Variants in MDFIC observed in about 807,000 individuals in gnomAD.
MDFIC encodes myoD family inhibitor domain-containing protein.
MDFIC carries 17 observed loss-of-function variants against 23.2 expected under a neutral mutation model. The observed-to-expected ratio is 0.73, with a 90% CI of 0.50 to 1.10. MDFIC has a LOEUF of 1.10. Ranked by LOEUF, MDFIC falls within the 50% of genes least tolerant of loss-of-function variation. MDFIC has a pLI of 0.00. For synonymous variants in MDFIC, 120 were observed against 115.2 expected, an observed-to-expected ratio of 1.04 and a Z score of -0.27; for missense variants, 356 against 316.6, an observed-to-expected ratio of 1.12 and a Z score of -0.95.
Position 115,016,059 on chromosome 7 carries a change from TA to T in MDFIC, c.*126del. The T allele has an allele frequency of 1.0e-6, 1 of 987,378 alleles. No homozygotes were observed. The highest frequency in any genetic ancestry group is 1.5e-6 in the Non-Finnish European group (1 of 675,500). The allele number at this position is 987,378 out of a possible 1,614,324, so 61.2% of individuals were successfully genotyped here. A position where few individuals can be genotyped will look rare whatever the true frequency, so the allele number is the denominator to read the frequency against. On this transcript the variant is annotated 3_prime_UTR_variant, in exon 5 of 5. Coordinates refer to ENST00000393486, the MANE Select transcript of MDFIC (RefSeq NM_001166345.3). ...AATTTGCACTGTTAACTCATTATTG[TA>T]AGTAATCTCTGAAAGCCTTTTTACT...
At chr7:114,993,403 G>A (rs1327183861) in intron 4 of MDFIC, among the ~76,000 whole-genome samples, 1 of 152,102 alleles carries the variant, frequency 6.6e-6, no homozygotes, top group Non-Finnish European at 1.5e-5. Flanking sequence ...GCTTTTAAAT[G>A]TGTTTGCTCT....
chr7:115,002,904 A>G (rs565562461), intron 4 of MDFIC, among the ~76,000 whole-genome samples: 14 of 152,156 alleles, frequency 9.2e-5, no homozygotes, highest in African/African-American at 3.4e-4. Context: ...TGTAGGTGGG[A>G]GTGTATCTCT....
chr7:114,953,895 A>T (rs1308668226), intron 3 of MDFIC, among the ~76,000 whole-genome samples: 1 of 152,174 alleles, frequency 6.6e-6, no homozygotes, highest in East Asian at 1.9e-4. Context: ...AAAGAAAAAA[A>T]GTTTGCACAT....
chr7:114,951,912 A>G (rs548898754), intron 3 of MDFIC, among the ~76,000 whole-genome samples: 1 of 152,146 alleles, frequency 6.6e-6, no homozygotes, highest in East Asian at 1.9e-4. Flanking sequence ...ATGAGAATGC[A>G]GGGTCTCTTG....
At chr7:114,957,296 G>T (rs978513470) in intron 3 of MDFIC, among the ~76,000 whole-genome samples, 1 of 152,032 alleles carries the variant, frequency 6.6e-6, no homozygotes, top group African/African-American at 2.4e-5. Context: ...ACAAACACCT[G>T]CTTCTTTCAT....
intron 4 of MDFIC, among the ~76,000 whole-genome samples, chr7:115,003,534 T>G (rs893335821): frequency 1.3e-5 from 2 of 152,180 alleles, no homozygotes; most frequent in African/African-American, 4.8e-5. Flanking sequence ...AATCCTACTT[T>G]CTTGATATTT....
chr7:114,922,914 AT>A lies in MDFIC; in HGVS notation c.-107-8del. On this transcript the variant is annotated splice_polypyrimidine_tract_variant and intron_variant, in intron 1 of 4. Coordinates refer to ENST00000393486, the MANE Select transcript of MDFIC (RefSeq NM_001166345.3). ...AACATTTTTTTTTTTAATTTTGTAT[AT>A]TTTTCCGCCAGAAGCAGTCAGTTCC... 2 of 1,575,884 alleles carry A rather than the reference AT, an allele frequency of 1.3e-6. No individual in the cohort carries two copies. The highest frequency in any genetic ancestry group is 2.4e-5 in the East Asian group (1 of 41,412).
Position 114,923,137 on chromosome 7 carries a change from C to T in MDFIC, c.94+10C>T. 1 of 1,524,632 alleles carries T rather than the reference C, an allele frequency of 6.6e-7. No individual in the cohort carries two copies. The highest frequency in any genetic ancestry group is 8.8e-7 in the Non-Finnish European group (1 of 1,140,496). 94.4% of individuals were successfully genotyped at this position (1,524,632 alleles called of 1,614,324 possible). A position where few individuals can be genotyped will look rare whatever the true frequency, so the allele number is the denominator to read the frequency against. On this transcript the variant is annotated intron_variant, in intron 2 of 4. Coordinates refer to ENST00000393486, the MANE Select transcript of MDFIC (RefSeq NM_001166345.3). ...GGCTCCACAGCCCAGGGTGAGTGCGCGCTTGCAAGTGGCAAGCTTCTTTGT... is the reference window on the plus strand; with the variant it reads ...GGCTCCACAGCCCAGGGTGAGTGCGTGCTTGCAAGTGGCAAGCTTCTTTGT...
In MDFIC at chr7:115,010,641, C is replaced by A. The variant is rs147849028; in HGVS notation, c.494-5047C>A. 2.6e-5 allele frequency among the ~76,000 whole-genome samples: 4 copies of A among 152,032 alleles called. No homozygotes were observed. In the East Asian group the frequency reaches 7.7e-4, roughly 29 times the overall value. On this transcript the variant is annotated intron_variant, in intron 4 of 4. Transcript: ENST00000393486. ...AATAGATTTGGTTTTTCAGAGTAAC[C>A]CAAAGTGCTTTTCTAGTAAATTATA...
chr7:114,982,401 G>C (rs755744272), intron 4 of MDFIC, among the ~76,000 whole-genome samples: 2 of 152,054 alleles, frequency 1.3e-5, no homozygotes, highest in Non-Finnish European at 2.9e-5. Context: ...AAATACCTGA[G>C]ACTAAAGTTT....
chr7:114,980,874 A>G lies in MDFIC; in HGVS notation c.493+1093A>G, dbSNP rs534900671. 6.6e-5 allele frequency among the ~76,000 whole-genome samples: 10 copies of G among 152,314 alleles called. No homozygotes were observed. In the South Asian group the frequency reaches 2.1e-3, roughly 32 times the overall value. On this transcript the variant is annotated intron_variant, in intron 4 of 4. Coordinates refer to ENST00000393486, the MANE Select transcript of MDFIC (RefSeq NM_001166345.3). ...ACCAGTAATGAGTGGGAGAAAGGAT[A>G]TTGCATTTTGGCTACAGGTGTCTCA...
intron 3 of MDFIC, among the ~76,000 whole-genome samples, chr7:114,947,573 G>C (rs1293906459): frequency 6.6e-6 from 1 of 152,090 alleles, no homozygotes; most frequent in African/African-American, 2.4e-5. Flanking sequence ...TTCTTCTCAG[G>C]CTCCATTATT....
At chr7:114,967,511 G>A (rs1179756032) in intron 3 of MDFIC, among the ~76,000 whole-genome samples, 1 of 152,096 alleles carries the variant, frequency 6.6e-6, no homozygotes, top group African/African-American at 2.4e-5. Flanking sequence ...TGTCTTTCAT[G>A]ATATAAAGCT....
At chr7:114,975,836 G>C (rs1793298125) in intron 3 of MDFIC, among the ~76,000 whole-genome samples, 1 of 151,980 alleles carries the variant, frequency 6.6e-6, no homozygotes, top group African/African-American at 2.4e-5. Flanking sequence ...CACACATCTG[G>C]CAAAATCATT....
chr7:114,985,111 C>T (rs11971232), intron 4 of MDFIC, among the ~76,000 whole-genome samples: 1,741 of 152,208 alleles, frequency 0.011, 28 homozygotes, highest in African/African-American at 0.04. Flanking sequence ...CAAATATTGG[C>T]TTTGCTACTC....
Position 115,019,439 on chromosome 7 carries a change from A to C in MDFIC, c.*3504A>C, listed in dbSNP as rs897727589. Among the ~76,000 whole-genome samples, 2 of 152,086 alleles carry C rather than the reference A, an allele frequency of 1.3e-5. No homozygotes were observed. Among genetic ancestry groups the C allele is most frequent in the African/African-American group, 4.8e-5 (2 of 41,430 alleles). On this transcript the variant is annotated 3_prime_UTR_variant, in exon 5 of 5. Transcript: ENST00000393486. ...ATAACTTTCCATTCTTTATCCATAC[A>C]AACTCTTTCAGTGCCCTAGATTCTA...
In MDFIC at chr7:114,923,022, G is replaced by A; in HGVS notation, c.-12G>A. The A allele has an allele frequency of 1.4e-6, 2 of 1,443,684 alleles. No individual in the cohort carries two copies. Among genetic ancestry groups the A allele is most frequent in the Non-Finnish European group, 9.1e-7 (1 of 1,095,926 alleles). 89.4% of individuals were successfully genotyped at this position (1,443,684 alleles called of 1,614,324 possible). A position where few individuals can be genotyped will look rare whatever the true frequency, so the allele number is the denominator to read the frequency against. On this transcript the variant is annotated 5_prime_UTR_variant, in exon 2 of 5. Transcript: ENST00000393486. ...GCGGCAGCGGCGCGGCGCGGGCTCG[G>A]CGGAGCGGCCCATGTCCGGCGCGGG...
chr7:114,944,448 A>T lies in MDFIC; in HGVS notation c.217+2051A>T, dbSNP rs74624321. On this transcript the variant is annotated intron_variant, in intron 3 of 4. Transcript: ENST00000393486. ...TTCCCAGTCACACTTTTCTAGACAA[A>T]GTCTACTTTGTTGGATCAACAGAAA... Among the ~76,000 whole-genome samples the T allele has an allele frequency of 6.9e-3, 1,058 of 152,298 alleles. 10 individuals are homozygous for T. The highest frequency in any genetic ancestry group is 0.022 in the African/African-American group (898 of 41,558).
At chr7:114,983,737 T>C (rs963069287) in intron 4 of MDFIC, among the ~76,000 whole-genome samples, 1 of 151,602 alleles carries the variant, frequency 6.6e-6, no homozygotes, top group African/African-American at 2.4e-5. Flanking sequence ...CTGGCTAATT[T>C]TTTTTGTATT....
Sources: allele counts gnomAD v4.1 joint callset (sites outside exome capture counted in the v4.1 genomes callset), GRCh38; gene constraint gnomAD v4.1.1; transcripts MANE v1.5; gene names NCBI Gene and HGNC (gene_info 2026-07-23, HGNC 2026-07-21).